The following CFDP1 variants were observed in gnomAD, a reference collection of about 807,000 sequenced individuals.
CFDP1 encodes the protein chromatin remodeling protein CFDP1, also known as heterochromatin-stabilizing protein CFDP1.
CFDP1 carries 31 observed loss-of-function variants against 40.1 expected under a neutral mutation model. That is an observed-to-expected ratio of 0.77 (90% confidence interval 0.58 to 1.04). The LOEUF is 1.04. CFDP1 is among the 50% of genes least tolerant of loss of function. The probability of loss-of-function intolerance (pLI) is 0.00; values close to 1 mark genes in which losing one functional copy is unlikely to be tolerated. For synonymous variants in CFDP1, 167 were observed against 120.0 expected (o/e 1.39, Z -2.56); for missense variants, 423 against 343.4 (o/e 1.23, Z -1.83).
chr16:75,390,719 T>G (rs754832884), intron 5 of CFDP1, among the ~76,000 whole-genome samples: 1 of 152,230 alleles, frequency 6.6e-6, no homozygotes, highest in Non-Finnish European at 1.5e-5. Flanking sequence ...GGGTATTTAT[T>G]CCCTTGGCTT....
intron 3 of CFDP1, 149 bp downstream of exon 3, chr16:75,412,386 A>C (rs1597395058): frequency 4.2e-6 from 3 of 717,104 alleles, no homozygotes; most frequent in African/African-American, 3.5e-5. Context: ...ATGATTAGAG[A>C]AGCTTATTCT....
intron 1 of CFDP1, among the ~76,000 whole-genome samples, chr16:75,423,423 G>T (rs779578543): frequency 7.2e-5 from 11 of 152,136 alleles, no homozygotes; most frequent in Non-Finnish European, 1.2e-4. Flanking sequence ...CTCCAGTCTG[G>T]GTAATCAAGC....
intron 5 of CFDP1, among the ~76,000 whole-genome samples, chr16:75,342,541 C>T (rs1818720535): frequency 6.6e-6 from 1 of 152,172 alleles, no homozygotes; most frequent in African/African-American, 2.4e-5. Flanking sequence ...CTCATCACTT[C>T]CCACCCCTAA....
At chr16:75,412,922 GAA>G (rs1231451174) in intron 2 of CFDP1, among the ~76,000 whole-genome samples, 168 bp from the exon 3 acceptor site, 1 of 130,266 alleles carries the variant, frequency 7.7e-6, no homozygotes, top group African/African-American at 2.9e-5. Flanking sequence ...TTTTATAGAA[GAA>G]AAAAAAAGAA....
chr16:75,312,799 A>G (rs2078302256), intron 5 of CFDP1, among the ~76,000 whole-genome samples: 1 of 152,192 alleles, frequency 6.6e-6, no homozygotes, highest in Admixed American at 6.5e-5. Flanking sequence ...AGCTCTTCCT[A>G]TATAAGACAC....
chr16:75,425,343 C>G (rs148972510), intron 1 of CFDP1, among the ~76,000 whole-genome samples: 2,230 of 144,098 alleles, frequency 0.015, 60 homozygotes, highest in African/African-American at 0.053. Flanking sequence ...GCAGAGATCG[C>G]GCCACTGCAC....
chr16:75,300,131 G>A (rs922460386), intron 6 of CFDP1, among the ~76,000 whole-genome samples: 7 of 152,222 alleles, frequency 4.6e-5, no homozygotes, highest in Non-Finnish European at 2.9e-5. Context: ...AAAGGGTACA[G>A]AGGTAGAAGC....
At chr16:75,324,511 G>A (rs886709854) in intron 5 of CFDP1, among the ~76,000 whole-genome samples, 1 of 152,130 alleles carries the variant, frequency 6.6e-6, no homozygotes, top group Non-Finnish European at 1.5e-5. Flanking sequence ...GGAGGTCGAG[G>A]TAGGTGGGTC....
chr16:75,327,009 G>A (rs945395556), intron 5 of CFDP1, among the ~76,000 whole-genome samples: 3 of 152,190 alleles, frequency 2.0e-5, no homozygotes, highest in African/African-American at 7.2e-5. Flanking sequence ...AGTGGCTGAC[G>A]CCTGTAATCC....
chr16:75,369,821 T>C (rs2078739281), intron 5 of CFDP1, among the ~76,000 whole-genome samples: 1 of 152,108 alleles, frequency 6.6e-6, no homozygotes, highest in Non-Finnish European at 1.5e-5. Context: ...GAAGCGATCT[T>C]GGCTCACTAA....
chr16:75,374,042 AAGG>A (rs2078773256), intron 5 of CFDP1, among the ~76,000 whole-genome samples: 1 of 151,580 alleles, frequency 6.6e-6, no homozygotes, highest in African/African-American at 2.4e-5. Flanking sequence ...CACCTGAGGT[AAGG>A]AGTTCAAGAC....
intron 5 of CFDP1, among the ~76,000 whole-genome samples, chr16:75,385,163 C>T (rs1166814464): frequency 6.6e-6 from 1 of 151,840 alleles, no homozygotes; most frequent in African/African-American, 2.4e-5. Context: ...CAATTTCATT[C>T]ACATTCTTGA....
At chr16:75,380,859 A>G (rs931454783) in intron 5 of CFDP1, among the ~76,000 whole-genome samples, 1 of 152,232 alleles carries the variant, frequency 6.6e-6, no homozygotes, top group Non-Finnish European at 1.5e-5. Context: ...AAACCTCGCT[A>G]AAGAGTAAAA....
intron 5 of CFDP1, among the ~76,000 whole-genome samples, chr16:75,384,079 T>C (rs1022461678): frequency 3.3e-5 from 5 of 152,114 alleles, no homozygotes; most frequent in Admixed American, 2.0e-4. Context: ...AGGAAAAATT[T>C]TGGCTGGGCG....
chr16:75,377,525 C>A (rs1432004190), intron 5 of CFDP1, among the ~76,000 whole-genome samples: 3 of 152,098 alleles, frequency 2.0e-5, no homozygotes, highest in Admixed American at 2.0e-4. Flanking sequence ...ACAAGCTTTC[C>A]AGCTGAAGTA....
At chr16:75,390,454 T>C (rs1463305927) in intron 5 of CFDP1, among the ~76,000 whole-genome samples, 1 of 152,208 alleles carries the variant, frequency 6.6e-6, no homozygotes, top group Non-Finnish European at 1.5e-5. Flanking sequence ...AGAATCACCC[T>C]CTCCTTGATG....
intron 5 of CFDP1, among the ~76,000 whole-genome samples, chr16:75,359,060 T>C (rs535813500): frequency 6.6e-6 from 1 of 152,330 alleles, no homozygotes; most frequent in Admixed American, 6.5e-5. Context: ...CAACTACATA[T>C]TTGAGTGAGA....
intron 5 of CFDP1, among the ~76,000 whole-genome samples, chr16:75,331,687 G>T (rs570835006): frequency 1.8e-5 from 2 of 111,162 alleles, no homozygotes; most frequent in African/African-American, 6.5e-5. Flanking sequence ...ATGTTTTTGA[G>T]TTCATCCATG....
At chr16:75,368,267 G>A (rs2078729691) in intron 5 of CFDP1, among the ~76,000 whole-genome samples, 1 of 152,090 alleles carries the variant, frequency 6.6e-6, no homozygotes, top group South Asian at 2.1e-4. Context: ...ATGTAATAAT[G>A]GTAATTGCTT....
Sources: allele counts gnomAD v4.1 joint callset (sites outside exome capture counted in the v4.1 genomes callset), GRCh38; gene constraint gnomAD v4.1.1; transcripts MANE v1.5; gene names NCBI Gene and HGNC (gene_info 2026-07-23, HGNC 2026-07-21).